The following FBXL17 variants were observed in gnomAD, a reference collection of about 807,000 sequenced individuals.
FBXL17 encodes the protein F-box and leucine rich repeat protein 17, also known as F-box/LRR-repeat protein 17.
Under a neutral mutation model 66.2 loss-of-function variants are expected in FBXL17, and 22 were observed. The observed-to-expected ratio is 0.33, with a 90% CI of 0.24 to 0.47. FBXL17 has a LOEUF of 0.47. Ranked by LOEUF, FBXL17 falls within the 20% of genes least tolerant of loss-of-function variation. The pLI is 1.00. For synonymous variants in FBXL17, 474 were observed against 400.5 expected, an observed-to-expected ratio of 1.18 and a Z score of -2.19; for missense variants, 878 against 948.2, an observed-to-expected ratio of 0.93 and a Z score of 0.97.
intron 4 of FBXL17, among the ~76,000 whole-genome samples, chr5:108,248,072 C>A (rs527284385): frequency 1.3e-5 from 2 of 152,240 alleles, no homozygotes; most frequent in Admixed American, 6.5e-5. Flanking sequence ...CCAGAGAATT[C>A]ATTGCTCTGT....
At chr5:108,168,577 G>A (rs1752494118) in intron 6 of FBXL17, among the ~76,000 whole-genome samples, 1 of 152,060 alleles carries the variant, frequency 6.6e-6, no homozygotes, top group African/African-American at 2.4e-5. Context: ...ATCTACCTAG[G>A]TGGAATCCCA....
intron 4 of FBXL17, among the ~76,000 whole-genome samples, chr5:108,274,162 T>A (rs1174299740): frequency 6.6e-6 from 1 of 152,198 alleles, no homozygotes; most frequent in African/African-American, 2.4e-5. Context: ...GTTTTTGAGA[T>A]CAACTGGTCT....
chr5:108,299,774 G>A (rs1019795436), intron 4 of FBXL17: 10 of 984,714 alleles, frequency 1.0e-5, no homozygotes, highest in African/African-American at 1.8e-5. Flanking sequence ...TGTGAAATTC[G>A]GAAGGCTCCA....
intron 5 of FBXL17, among the ~76,000 whole-genome samples, chr5:108,216,497 A>G (rs1754604173): frequency 6.6e-6 from 1 of 152,192 alleles, no homozygotes; most frequent in Non-Finnish European, 1.5e-5. Flanking sequence ...ATATAAAATT[A>G]TAACTTTTTA....
chr5:107,904,614 CAT>C (rs1749693225), intron 7 of FBXL17, among the ~76,000 whole-genome samples: 2 of 152,040 alleles, frequency 1.3e-5, no homozygotes, highest in African/African-American at 4.8e-5. Context: ...AAAGCACAGA[CAT>C]CATAAACACT....
intron 6 of FBXL17, among the ~76,000 whole-genome samples, chr5:108,093,174 C>T (rs1273091283): frequency 1.3e-5 from 2 of 151,466 alleles, no homozygotes; most frequent in Admixed American, 1.3e-4. Context: ...AATTAATTAA[C>T]ATAAAAGCTG....
intron 7 of FBXL17, among the ~76,000 whole-genome samples, chr5:107,906,490 C>T (rs1439408529): frequency 6.6e-6 from 1 of 152,014 alleles, no homozygotes; most frequent in Non-Finnish European, 1.5e-5. Flanking sequence ...AATCCTCAGC[C>T]CATTCTTGTG....
At chr5:107,988,277 T>C (rs1438848506) in intron 7 of FBXL17, among the ~76,000 whole-genome samples, 1 of 151,996 alleles carries the variant, frequency 6.6e-6, no homozygotes, top group Non-Finnish European at 1.5e-5. Context: ...CTCCTTTCAA[T>C]TCATTACCAC....
At chr5:108,242,381 TG>T (rs1755898430) in intron 4 of FBXL17, among the ~76,000 whole-genome samples, 4 of 149,218 alleles carry the variant, frequency 2.7e-5, no homozygotes, top group Non-Finnish European at 4.4e-5. Flanking sequence ...TTGTTGTTGT[TG>T]TTGTTGTTGT....
At chr5:108,000,140 T>C (rs1475395008) in intron 7 of FBXL17, among the ~76,000 whole-genome samples, 1 of 152,242 alleles carries the variant, frequency 6.6e-6, no homozygotes, top group Non-Finnish European at 1.5e-5. Context: ...AGATTTGCTG[T>C]GTCTAGTAAG....
At chr5:108,331,112 A>G (rs955405044) in intron 4 of FBXL17, among the ~76,000 whole-genome samples, 1 of 152,198 alleles carries the variant, frequency 6.6e-6, no homozygotes, top group African/African-American at 2.4e-5. Flanking sequence ...TAACTTGTTC[A>G]AAAGGAAAAA....
intron 5 of FBXL17, among the ~76,000 whole-genome samples, chr5:108,214,463 G>C (rs1459776390): frequency 6.6e-6 from 1 of 151,230 alleles, no homozygotes; most frequent in Non-Finnish European, 1.5e-5. Context: ...CACCTCCCGG[G>C]TTCAAGAGAT....
At chr5:108,362,524 T>C (rs1470284308) in intron 3 of FBXL17, among the ~76,000 whole-genome samples, 5 of 152,120 alleles carry the variant, frequency 3.3e-5, no homozygotes, top group Non-Finnish European at 5.9e-5. Context: ...ATATATACAA[T>C]AGGAACACAT....
At chr5:107,987,132 G>A (rs1251287072) in intron 7 of FBXL17, among the ~76,000 whole-genome samples, 2 of 151,758 alleles carry the variant, frequency 1.3e-5, no homozygotes, top group Non-Finnish European at 2.9e-5. Flanking sequence ...CACAAGAGAG[G>A]GAATTTAAAG....
chr5:108,342,080 G>C (rs1221680115), intron 4 of FBXL17, among the ~76,000 whole-genome samples: 2 of 152,028 alleles, frequency 1.3e-5, no homozygotes, highest in African/African-American at 4.8e-5. Context: ...ACAGTGCCTG[G>C]CACATAGTAA....
intron 6 of FBXL17, among the ~76,000 whole-genome samples, chr5:108,179,743 A>G (rs1467568760): frequency 6.6e-6 from 1 of 152,248 alleles, no homozygotes. Flanking sequence ...GTCTCCGTCT[A>G]TAACTTCCAC....
intron 4 of FBXL17, among the ~76,000 whole-genome samples, chr5:108,291,946 C>G (rs530987499): frequency 1.1e-4 from 17 of 152,246 alleles, no homozygotes; most frequent in African/African-American, 4.1e-4. Context: ...AGGTGGTCAT[C>G]ATTTCTTTCC....
intron 7 of FBXL17, among the ~76,000 whole-genome samples, chr5:107,936,616 C>A (rs1272495093): frequency 1.3e-5 from 2 of 151,866 alleles, no homozygotes; most frequent in Non-Finnish European, 2.9e-5. Context: ...ACACAAAGGC[C>A]CCTATGTAGG....
At chr5:108,137,643 T>C (rs2149982628) in intron 6 of FBXL17, among the ~76,000 whole-genome samples, 1 of 152,250 alleles carries the variant, frequency 6.6e-6, no homozygotes, top group South Asian at 2.1e-4. Context: ...TGTACTGTAC[T>C]TGTGAATTAT....
Sources: allele counts gnomAD v4.1 joint callset (sites outside exome capture counted in the v4.1 genomes callset), GRCh38; gene constraint gnomAD v4.1.1; transcripts MANE v1.5; gene names NCBI Gene and HGNC (gene_info 2026-07-23, HGNC 2026-07-21).